EIF3L: variants seen among roughly 807,000 people sequenced by gnomAD.
EIF3L encodes eukaryotic translation initiation factor 3 subunit L.
A neutral mutation model predicts 74.6 loss-of-function variants in EIF3L; 32 were observed. That is an observed-to-expected ratio of 0.43 (90% confidence interval 0.32 to 0.58). EIF3L has a LOEUF of 0.58. EIF3L is among the 20% of genes least tolerant of loss of function. The pLI is 0.06. For missense variants in EIF3L, 474 were observed against 707.8 expected, an observed-to-expected ratio of 0.67 and a Z score of 3.75; for synonymous variants, 256 against 254.4, an observed-to-expected ratio of 1.01 and a Z score of -0.06.
At chr22:37,850,096 G>C in intron 2 of EIF3L, 33 bp downstream of exon 2, 1 of 1,610,938 alleles carries the variant, frequency 6.2e-7, no homozygotes, top group Non-Finnish European at 8.5e-7. Context: ...CTGAGTACTC[G>C]TAGGGATCAG....
chr22:37,871,164 T>G (rs1289713348), intron 8 of EIF3L: 1 of 151,704 alleles, frequency 6.6e-6, no homozygotes, highest in Non-Finnish European at 1.5e-5. Context: ...TTCACACGGT[T>G]ATAGGAAGTT....
At chr22:37,860,941 CT>C (rs1388829934) in intron 5 of EIF3L, among the ~76,000 whole-genome samples, 1 of 152,186 alleles carries the variant, frequency 6.6e-6, no homozygotes, top group African/African-American at 2.4e-5. Flanking sequence ...TTTCCTGAAA[CT>C]TTCCCCCTCC....
At chr22:37,869,719 C>T (rs965033238) in intron 7 of EIF3L, among the ~76,000 whole-genome samples, 1 of 152,092 alleles carries the variant, frequency 6.6e-6, no homozygotes, top group African/African-American at 2.4e-5. Flanking sequence ...TGATGGTCAG[C>T]TGTGGTAGGG....
Position 37,849,861 on chromosome 22 carries a change from C to T in EIF3L, c.34-154C>T, listed in dbSNP as rs1016472107. On this transcript the variant is annotated intron_variant, in intron 1 of 12. Coordinates refer to ENST00000652021, the MANE Select transcript of EIF3L (RefSeq NM_016091.4). ...GTATTGTCATTGTCTGTTTACTGTC[C>T]CTTTTCTCTAAGGCGTGTGAGTTCC... 5.7e-5 allele frequency: 44 copies of T among 768,734 alleles called. No individual in the cohort carries two copies. The Admixed American group carries it at 6.4e-4, about 11-fold the overall frequency. The allele number at this position is 768,734 out of a possible 1,614,324, so 47.6% of individuals were successfully genotyped here.
In EIF3L at chr22:37,862,875, C is replaced by A. The variant is rs2145812908; in HGVS notation, c.436-94C>A. On this transcript the variant is annotated intron_variant, in intron 5 of 12. Coordinates refer to ENST00000652021, the MANE Select transcript of EIF3L (RefSeq NM_016091.4). ...AAGAAAGAGAGGACAGATACCAATTCTCTTGTATTTGTTCACAGCTGTCAC... is the reference window on the plus strand; with the variant it reads ...AAGAAAGAGAGGACAGATACCAATTATCTTGTATTTGTTCACAGCTGTCAC... 3 of 892,022 alleles carry A rather than the reference C, an allele frequency of 3.4e-6. No homozygotes were observed. The East Asian group carries it at 7.5e-5, about 22-fold the overall frequency. The allele number at this position is 892,022 out of a possible 1,614,324, so 55.3% of individuals were successfully genotyped here. A position where few individuals can be genotyped will look rare whatever the true frequency, so the allele number is the denominator to read the frequency against.
chr22:37,879,802 CTT>C (rs146526845), intron 11 of EIF3L: 5 of 140,356 alleles, frequency 3.6e-5, no homozygotes, highest in Non-Finnish European at 4.7e-5. Flanking sequence ...CTGCACAAAG[CTT>C]TTTTTTTTTT....
chr22:37,864,508 AAAGTC>A (rs1926037512), intron 7 of EIF3L, among the ~76,000 whole-genome samples: 1 of 151,570 alleles, frequency 6.6e-6, no homozygotes, highest in African/African-American at 2.4e-5. Context: ...CCTGGGGGTA[AAAGTC>A]CAGGTTTTGC....
At chr22:37,858,815 C>A in intron 5 of EIF3L, 75 bp downstream of exon 5, 2 of 1,322,924 alleles carry the variant, frequency 1.5e-6, no homozygotes, top group South Asian at 2.6e-5. Flanking sequence ...CCCTAGAACA[C>A]AGTCATTTGT....
At chr22:37,866,692 A>G (rs1293963436) in intron 7 of EIF3L, among the ~76,000 whole-genome samples, 1 of 152,138 alleles carries the variant, frequency 6.6e-6, no homozygotes, top group Admixed American at 6.5e-5. Context: ...AGGCTGAGGC[A>G]GGAGAATCGC....
chr22:37,882,571 GGAGGCT>G (rs1377428262), intron 11 of EIF3L: 4 of 152,104 alleles, frequency 2.6e-5, no homozygotes, highest in Non-Finnish European at 4.4e-5. Flanking sequence ...CAGCTACTCG[GGAGGCT>G]GAGGCACGAG....
At chr22:37,868,417 G>A (rs1008565096) in intron 7 of EIF3L, among the ~76,000 whole-genome samples, 22 of 150,558 alleles carry the variant, frequency 1.5e-4, no homozygotes, top group African/African-American at 4.4e-4. Flanking sequence ...AAGCGCCACC[G>A]CACCCAGCCT....
At chr22:37,864,758 C>A (rs150013673) in intron 7 of EIF3L, among the ~76,000 whole-genome samples, 3 of 151,982 alleles carry the variant, frequency 2.0e-5, no homozygotes, top group Non-Finnish European at 4.4e-5. Flanking sequence ...AGGCTGGTCT[C>A]GAACTCCCAA....
intron 5 of EIF3L, among the ~76,000 whole-genome samples, chr22:37,859,488 T>C (rs1925735715): frequency 6.7e-6 from 1 of 149,962 alleles, no homozygotes; most frequent in Non-Finnish European, 1.5e-5. Flanking sequence ...TTCACGCCAT[T>C]CTCCTGCCTC....
At chr22:37,861,683 C>CAA (rs3885503) in intron 5 of EIF3L, among the ~76,000 whole-genome samples, 15 of 127,862 alleles carry the variant, frequency 1.2e-4, no homozygotes, top group African/African-American at 1.1e-4. Context: ...GACTCCGTCT[C>CAA]AAAAAAAAAA....
At chr22:37,885,321 C>G (rs1927263536) in intron 11 of EIF3L, 1 of 152,116 alleles carries the variant, frequency 6.6e-6, no homozygotes, top group African/African-American at 2.4e-5. Flanking sequence ...CCTAGCTATT[C>G]TCAACTAATC....
In EIF3L at chr22:37,888,460, C is replaced by G. The variant is rs199910157; in HGVS notation, c.1691C>G (p.Pro564Arg). Residue 564 changes from proline (P) to arginine (R), a missense_variant, in exon 13 of 13, where the codon CCT (proline) becomes CGT (arginine). Coordinates refer to ENST00000652021, the MANE Select transcript of EIF3L (RefSeq NM_016091.4). ...NRTLKKMGQR[P>R] The stretch of plus-strand genomic sequence containing the variant: ...ACCCTGAAGAAGATGGGACAGAGAC[C>G]TTGATGATATTCACACACATTCAGG... The G allele has an allele frequency of 3.9e-5, 63 of 1,613,684 alleles. No individual in the cohort carries two copies. The highest frequency in any genetic ancestry group is 5.2e-5 in the Non-Finnish European group (61 of 1,179,974).
rs1925959077 is a variant in EIF3L, at chr22:37,863,262, T to A, written c.506-10T>A. 1.2e-6 allele frequency: 2 copies of A among 1,610,848 alleles called. No individual in the cohort carries two copies. Among genetic ancestry groups the A allele is most frequent in the South Asian group, 1.1e-5 (1 of 90,838 alleles). ...CTTTGAATCTGACTTTTCTGTGATC[T>A]CCTGCACAGATGCCGATGGTCCTGC... On this transcript the variant is annotated splice_polypyrimidine_tract_variant and intron_variant, in intron 6 of 12. Transcript: ENST00000652021.
intron 5 of EIF3L, among the ~76,000 whole-genome samples, chr22:37,860,059 A>T (rs1925774507): frequency 6.6e-6 from 1 of 152,166 alleles, no homozygotes; most frequent in South Asian, 2.1e-4. Flanking sequence ...TACACCAATG[A>T]CTTAATCTCT....
intron 4 of EIF3L, among the ~76,000 whole-genome samples, chr22:37,857,296 G>A (rs1925571384): frequency 6.7e-6 from 1 of 149,222 alleles, no homozygotes; most frequent in Non-Finnish European, 1.5e-5. Context: ...CGTGAACCCG[G>A]GAGGCAGAAC....
Sources: allele counts gnomAD v4.1 joint callset (sites outside exome capture counted in the v4.1 genomes callset), GRCh38; gene constraint gnomAD v4.1.1; transcripts MANE v1.5; gene names NCBI Gene and HGNC (gene_info 2026-07-23, HGNC 2026-07-21).